MKRN2: variants seen among roughly 807,000 people sequenced by gnomAD.
MKRN2 encodes the protein makorin ring finger protein 2, also known as E3 ubiquitin-protein ligase makorin-2.
In MKRN2, 32 loss-of-function variants were observed where a neutral mutation model predicts 45.4. The ratio of observed to expected loss-of-function variants is 0.70; its 90% CI spans 0.53 to 0.95. The LOEUF (loss-of-function observed/expected upper bound fraction) is 0.95. MKRN2 is among the 40% of genes least tolerant of loss of function. The pLI is 0.00. For missense variants in MKRN2, 526 were observed against 536.7 expected (o/e 0.98, Z 0.20); for synonymous variants, 206 against 192.4 (o/e 1.07, Z -0.59).
chr3:12,575,167 T>C (rs2058124052), intron 5 of MKRN2, among the ~76,000 whole-genome samples, 161 bp downstream of exon 5: 1 of 152,194 alleles, frequency 6.6e-6, no homozygotes. Context: ...TTCCTGAGCC[T>C]AAGTGCCTGT....
In MKRN2 at chr3:12,582,146, A is replaced by G; in HGVS notation, c.1144A>G (p.Ile382Val). The G allele has an allele frequency of 6.2e-7, 1 of 1,614,156 alleles. No homozygotes were observed. The highest frequency in any genetic ancestry group is 8.5e-7 in the Non-Finnish European group (1 of 1,180,036). The change falls in exon 8 of 8, where the codon ATC becomes GTC. Residue 382 changes from isoleucine (I) to valine (V), a missense_variant. Physicochemically the swap from Ile to Val is conservative, Grantham distance 29. Coordinates refer to ENST00000170447, the MANE Select transcript of MKRN2 (RefSeq NM_014160.5). Reference sequence around the variant, plus strand: ...TAATTCAGTGCGGCTCTGGGATTTCATCGAGAACCGAGAAAGCCGGCATGT... The same window carrying G: ...TAATTCAGTGCGGCTCTGGGATTTCGTCGAGAACCGAGAAAGCCGGCATGT... Reference protein sequence around the residue: ...FFNSVRLWDFIENRESRHVPN... With the variant: ...FFNSVRLWDFVENRESRHVPN...
intron 6 of MKRN2, among the ~76,000 whole-genome samples, chr3:12,577,583 C>T (rs1352789488): frequency 6.6e-6 from 1 of 151,994 alleles, no homozygotes; most frequent in East Asian, 1.9e-4. Flanking sequence ...CCTGATTCTT[C>T]GTATGTCTAG....
intron 1 of MKRN2, among the ~76,000 whole-genome samples, chr3:12,568,097 C>T (rs571134323): frequency 1.3e-5 from 2 of 152,332 alleles, no homozygotes; most frequent in East Asian, 1.9e-4. Flanking sequence ...GATTATTCTA[C>T]ACTTTATTGT....
chr3:12,579,866 TGAG>T (rs1329746599), intron 6 of MKRN2, among the ~76,000 whole-genome samples: 1 of 151,882 alleles, frequency 6.6e-6, no homozygotes, highest in Non-Finnish European at 1.5e-5. Flanking sequence ...TTTGGGAGGC[TGAG>T]GAGGGCAGAT....
intron 4 of MKRN2, among the ~76,000 whole-genome samples, chr3:12,573,978 G>A (rs567625301): frequency 4.6e-5 from 7 of 152,204 alleles, no homozygotes; most frequent in Non-Finnish European, 8.8e-5. Flanking sequence ...AGATCAAGCA[G>A]TCCTCTTACC....
chr3:12,566,679 T>C (rs1203511520), intron 1 of MKRN2, among the ~76,000 whole-genome samples: 3 of 152,190 alleles, frequency 2.0e-5, no homozygotes, highest in Non-Finnish European at 4.4e-5. Context: ...CTTGGCTCAC[T>C]GCAACCTCCG....
At position 12,574,968 on chromosome 3, in the gene MKRN2, G is replaced by GT; in HGVS notation, c.820dup (p.Trp274LeufsTer8). On this transcript the variant is annotated frameshift_variant, in exon 5 of 8. Coordinates refer to ENST00000170447, the MANE Select transcript of MKRN2 (RefSeq NM_014160.5). LOFTEE classifies it high-confidence loss of function. Reference sequence around the variant, plus strand: ...CGTACTGTTTGTCCTGCATCCGGCAGTGGCGGTGTGCCAAACAGTTTGAAA... The same window carrying GT: ...CGTACTGTTTGTCCTGCATCCGGCAGTTGGCGGTGTGCCAAACAGTTTGAAA... 6.2e-7 allele frequency: 1 copy of GT among 1,614,270 alleles called. No homozygotes were observed. The highest frequency in any genetic ancestry group is 1.1e-5 in the South Asian group (1 of 91,090).
intron 1 of MKRN2, among the ~76,000 whole-genome samples, chr3:12,566,059 G>A (rs1047466193): frequency 2.4e-4 from 37 of 151,912 alleles, no homozygotes; most frequent in African/African-American, 8.7e-4. Context: ...TTGCCATGTT[G>A]CCCAGGCTGA....
chr3:12,563,975 T>G (rs2058055472), intron 1 of MKRN2, among the ~76,000 whole-genome samples: 1 of 151,700 alleles, frequency 6.6e-6, no homozygotes, highest in Non-Finnish European at 1.5e-5. Context: ...TGAAACAGAT[T>G]CACTCTGTTG....
At position 12,582,376 on chromosome 3, in the gene MKRN2, C is replaced by T. The variant is rs779577678; in HGVS notation, c.*123C>T. Reference sequence around the variant, plus strand: ...TGACTTGGATTTGAGTGGAGTTGGGCTTAGCCTTAGTCTCATTCAATCTCC... The same window carrying T: ...TGACTTGGATTTGAGTGGAGTTGGGTTTAGCCTTAGTCTCATTCAATCTCC... On this transcript the variant is annotated 3_prime_UTR_variant, in exon 8 of 8. Transcript: ENST00000170447. The T allele has an allele frequency of 2.2e-5, 28 of 1,257,518 alleles. No individual in the cohort carries two copies. Among genetic ancestry groups the T allele is most frequent in the African/African-American group, 8.9e-5 (6 of 67,164 alleles). The allele number at this position is 1,257,518 out of a possible 1,614,324, so 77.9% of individuals were successfully genotyped here. A position where few individuals can be genotyped will look rare whatever the true frequency, so the allele number is the denominator to read the frequency against.
chr3:12,582,030 T>G, intron 7 of MKRN2, 78 bp downstream of exon 7: 2 of 1,608,368 alleles, frequency 1.2e-6, no homozygotes, highest in Non-Finnish European at 1.7e-6. Flanking sequence ...GGCAGAGAAA[T>G]GGGGTAGGCA....
chr3:12,557,417 G>A (rs2057986895), intron 1 of MKRN2, among the ~76,000 whole-genome samples: 1 of 152,242 alleles, frequency 6.6e-6, no homozygotes, highest in Non-Finnish European at 1.5e-5. Flanking sequence ...AGTTTGAAGC[G>A]TGGCCCCTGT....
chr3:12,576,588 T>A (rs2058138364), intron 5 of MKRN2, 43 bp from the exon 6 acceptor site: 2 of 1,428,938 alleles, frequency 1.4e-6, no homozygotes, highest in African/African-American at 2.8e-5. Context: ...TGCCCAGGCT[T>A]CGTAACATGA....
chr3:12,560,190 A>G (rs2058024727), intron 1 of MKRN2, among the ~76,000 whole-genome samples: 1 of 152,236 alleles, frequency 6.6e-6, no homozygotes, highest in Admixed American at 6.5e-5. Flanking sequence ...ATGTCCCAGT[A>G]GTCTATCATA....
At chr3:12,557,392 G>C (rs549640645) in intron 1 of MKRN2, among the ~76,000 whole-genome samples, 1 of 152,370 alleles carries the variant, frequency 6.6e-6, no homozygotes, top group East Asian at 1.9e-4. Context: ...GGCCAGCGCG[G>C]GGGGCTACGC....
At chr3:12,561,773 C>CT (rs35525744) in intron 1 of MKRN2, among the ~76,000 whole-genome samples, 16 of 150,418 alleles carry the variant, frequency 1.1e-4, no homozygotes, top group Non-Finnish European at 2.1e-4. Context: ...TTGGCACTGA[C>CT]TTTTTTTTTT....
At chr3:12,569,333 T>G (rs1007034199) in intron 2 of MKRN2, among the ~76,000 whole-genome samples, 3 of 151,018 alleles carry the variant, frequency 2.0e-5, no homozygotes, top group Admixed American at 6.6e-5. Context: ...TTTTTTTTTT[T>G]GTATTTTTAG....
chr3:12,572,211 C>T lies in MKRN2; in HGVS notation c.480C>T (p.Ala160=). The change falls in exon 4 of 8, where the codon GCC becomes GCT. Residue 160 remains alanine, a synonymous_variant. Coordinates refer to ENST00000170447, the MANE Select transcript of MKRN2 (RefSeq NM_014160.5). ...AIRSGLDDVE[A]SSSYSNEQQL... is the part of the protein sequence containing the mutation. Reference sequence around the variant, plus strand: ...GGAGTGGCCTTGATGACGTGGAGGCCAGCAGCTCCTACAGCAACGAGCAGC... The same window carrying T: ...GGAGTGGCCTTGATGACGTGGAGGCTAGCAGCTCCTACAGCAACGAGCAGC... 6.2e-7 allele frequency: 1 copy of T among 1,614,076 alleles called. No individual in the cohort carries two copies.
intron 1 of MKRN2, among the ~76,000 whole-genome samples, chr3:12,565,903 G>T (rs2058066752): frequency 6.6e-6 from 1 of 151,924 alleles, no homozygotes; most frequent in African/African-American, 2.4e-5. Context: ...ACAGGGTCTT[G>T]CTTTGTCACC....
Sources: allele counts gnomAD v4.1 joint callset (sites outside exome capture counted in the v4.1 genomes callset), GRCh38; gene constraint gnomAD v4.1.1; transcripts MANE v1.5; gene names NCBI Gene and HGNC (gene_info 2026-07-23, HGNC 2026-07-21).